The following NGEF variants were observed in gnomAD, a reference collection of about 807,000 sequenced individuals.
NGEF encodes ephexin-1.
Under a neutral mutation model 80.9 loss-of-function variants are expected in NGEF, and 31 were observed. The ratio of observed to expected loss-of-function variants is 0.38; its 90% CI spans 0.29 to 0.52. NGEF has a LOEUF of 0.52. Ranked by LOEUF, NGEF falls within the 20% of genes least tolerant of loss-of-function variation. The pLI is 0.84. For synonymous variants in NGEF, 371 were observed against 370.2 expected, an observed-to-expected ratio of 1.00 and a Z score of -0.03; for missense variants, 709 against 926.2, an observed-to-expected ratio of 0.77 and a Z score of 3.04.
At chr2:232,959,868 C>G (rs74269680) in intron 3 of NGEF, among the ~76,000 whole-genome samples, 1 of 151,994 alleles carries the variant, frequency 6.6e-6, no homozygotes, top group Non-Finnish European at 1.5e-5. Flanking sequence ...CGTGAGCCAC[C>G]GCCCTGGGTA....
At position 232,892,072 on chromosome 2, in the gene NGEF, G is replaced by A. The variant is rs574865623; in HGVS notation, c.1143-585C>T. Among the ~76,000 whole-genome samples the A allele has an allele frequency of 1.8e-4, 27 of 152,136 alleles. No homozygotes were observed. Among genetic ancestry groups the A allele is most frequent in the Admixed American group, 6.5e-4 (10 of 15,290 alleles). ...CACACGGCCTGGCGGGGGCCACAGC[G>A]GCAGGCTCTTGGGTGCTGTGAATGA... On this transcript the variant is annotated intron_variant, in intron 7 of 14. Transcript: ENST00000264051. This position sits in a 1 kb window ranked among gnomAD's most constrained non-coding sequence, Gnocchi z 4.0.
In NGEF at chr2:232,888,066, G is replaced by C; in HGVS notation, c.1314C>G (p.Cys438Trp). Residue 438 changes from cysteine to tryptophan, a missense_variant, in exon 9 of 15, where the codon TGC (cysteine) becomes TGG (tryptophan). This residue lies in a region of NGEF where 426 missense variants were observed against 622.9 expected (regional missense o/e 0.68). Coordinates refer to ENST00000264051, the MANE Select transcript of NGEF (RefSeq NM_019850.3). ...GCTCCTTGTGAGCATCCAAAGCAGT[G>C]CACTCCCGCTCAGACCTCTCTTCTA... is the stretch of plus-strand genomic sequence containing the variant. Reference protein sequence around the residue: ...KRVEERSERECTALDAHKELE... With the variant: ...KRVEERSEREWTALDAHKELE... 1 of 1,613,888 alleles carries C rather than the reference G, an allele frequency of 6.2e-7. No individual in the cohort carries two copies. The highest frequency in any genetic ancestry group is 1.3e-5 in the African/African-American group (1 of 75,014).
chr2:232,881,047 G>A lies in NGEF; in HGVS notation c.1942+99C>T, dbSNP rs115040896. On this transcript the variant is annotated intron_variant, in intron 14 of 14. Coordinates refer to ENST00000264051, the MANE Select transcript of NGEF (RefSeq NM_019850.3). ...GAGCAAGAGACATGGCAGGACACCAGCCTGTCAGACAGTGGTGGCATCTGC... is the reference window on the plus strand; with the variant it reads ...GAGCAAGAGACATGGCAGGACACCAACCTGTCAGACAGTGGTGGCATCTGC... The A allele has an allele frequency of 0.019, 17,165 of 907,912 alleles. 250 individuals are homozygous for A. Among genetic ancestry groups the A allele is most frequent in the South Asian group, 0.029 (2,069 of 70,160 alleles). The allele number at this position is 907,912 out of a possible 1,614,324, so 56.2% of individuals were successfully genotyped here.
chr2:232,943,571 C>G lies in NGEF; in HGVS notation c.384-16385G>C, dbSNP rs1390557074. Among the ~76,000 whole-genome samples, 3 of 150,408 alleles carry G rather than the reference C, an allele frequency of 2.0e-5. No homozygotes were observed. The East Asian group carries it at 5.9e-4, about 30-fold the overall frequency. Reference sequence around the variant, plus strand: ...AGTGCAGTGGCGCGATCTCGGCTCACTGCAAGCTCCGCCTCCCGGGTTCAC... The same window carrying G: ...AGTGCAGTGGCGCGATCTCGGCTCAGTGCAAGCTCCGCCTCCCGGGTTCAC... On this transcript the variant is annotated intron_variant, in intron 3 of 14. Coordinates refer to ENST00000264051, the MANE Select transcript of NGEF (RefSeq NM_019850.3).
intron 3 of NGEF, among the ~76,000 whole-genome samples, chr2:232,951,410 C>T (rs780116561): frequency 6.6e-6 from 1 of 152,296 alleles, no homozygotes; most frequent in Non-Finnish European, 1.5e-5. Context: ...GTCCAAGGCA[C>T]GACAACCTTC....
chr2:233,011,757 T>C (rs1320687103), intron 1 of NGEF, among the ~76,000 whole-genome samples: 3 of 151,814 alleles, frequency 2.0e-5, no homozygotes, highest in Admixed American at 1.3e-4. Flanking sequence ...CTTAAAGCAA[T>C]TCATCTTCCC....
intron 1 of NGEF, among the ~76,000 whole-genome samples, chr2:233,006,285 A>T (rs541288984): frequency 6.6e-6 from 1 of 152,338 alleles, no homozygotes; most frequent in South Asian, 2.1e-4. Flanking sequence ...AAATTGGAGC[A>T]TCAGGGTTTT....
chr2:232,968,105 T>TTTTTTTTTTTTTTTTTTTTTTTA (rs1694102814), intron 3 of NGEF, among the ~76,000 whole-genome samples: 1 of 151,072 alleles, frequency 6.6e-6, no homozygotes, highest in African/African-American at 2.5e-5. Flanking sequence ...TTTTTTTTTT[T>TTTTTTTTTTTTTTTTTTTTTTTA]GAGACAAAGT....
intron 5 of NGEF, among the ~76,000 whole-genome samples, chr2:232,917,440 AG>A (rs1692828264): frequency 6.6e-6 from 1 of 151,992 alleles, no homozygotes; most frequent in Non-Finnish European, 1.5e-5. Flanking sequence ...GAAAGTGCAT[AG>A]AGGAGTTACG....
intron 3 of NGEF, among the ~76,000 whole-genome samples, chr2:232,942,833 T>C (rs1244896369): frequency 2.0e-5 from 3 of 147,648 alleles, no homozygotes; most frequent in Admixed American, 2.0e-4. Context: ...AAATGATGAG[T>C]GTACCTTGAG....
At chr2:232,891,007 G>A (rs747770433) in intron 8 of NGEF, 1 of 486,084 alleles carries the variant, frequency 2.1e-6, no homozygotes, top group Non-Finnish European at 4.2e-6. Context: ...GCCCCCACCA[G>A]CTCCTCCCTG....
At chr2:232,939,647 A>G (rs1235569331) in intron 3 of NGEF, among the ~76,000 whole-genome samples, 1 of 152,168 alleles carries the variant, frequency 6.6e-6, no homozygotes, top group Non-Finnish European at 1.5e-5. Context: ...CAACTACCTC[A>G]CCCTTAACAT....
chr2:232,977,726 C>T (rs1282219301), intron 1 of NGEF, among the ~76,000 whole-genome samples: 1 of 152,144 alleles, frequency 6.6e-6, no homozygotes, highest in Non-Finnish European at 1.5e-5. Context: ...CCCAGCAAAC[C>T]CTGCTGGTGG....
intron 3 of NGEF, among the ~76,000 whole-genome samples, chr2:232,929,404 T>C (rs1693172908): frequency 6.6e-6 from 1 of 152,158 alleles, no homozygotes; most frequent in Admixed American, 6.5e-5. Context: ...GGAGCTCTCC[T>C]CCCCACGTGG....
At chr2:233,004,651 A>G (rs1480355350) in intron 1 of NGEF, among the ~76,000 whole-genome samples, 1 of 151,170 alleles carries the variant, frequency 6.6e-6, no homozygotes, top group Non-Finnish European at 1.5e-5. Context: ...TGCTCACAAC[A>G]CTCCTGAAGG....
chr2:232,980,061 G>C (rs574103968), intron 1 of NGEF, among the ~76,000 whole-genome samples: 1 of 152,256 alleles, frequency 6.6e-6, no homozygotes, highest in South Asian at 2.1e-4. Flanking sequence ...TTTGTTGGGG[G>C]GACCTGTGAT....
In NGEF at chr2:232,905,259, G is replaced by A. The variant is rs929703262; in HGVS notation, c.829-10343C>T. ...TGCGATTGCAGGCGCGCGCCGCCAC[G>A]CCTGACTGGTTTTCGTATTTTTTTG... On this transcript the variant is annotated intron_variant, in intron 5 of 14. Transcript: ENST00000264051. Among the ~76,000 whole-genome samples, 11 of 152,320 alleles carry A rather than the reference G, an allele frequency of 7.2e-5. 1 individual carries two copies. Among genetic ancestry groups the A allele is most frequent in the Middle Eastern group, 6.8e-3 (2 of 294 alleles).
At chr2:232,948,208 A>G (rs1373475465) in intron 3 of NGEF, among the ~76,000 whole-genome samples, 1 of 148,488 alleles carries the variant, frequency 6.7e-6, no homozygotes, top group Non-Finnish European at 1.5e-5. Context: ...TAGTTTTTTG[A>G]GACAGAGTCT....
chr2:233,003,970 G>A (rs1220947156), intron 1 of NGEF, among the ~76,000 whole-genome samples: 1 of 152,190 alleles, frequency 6.6e-6, no homozygotes, highest in African/African-American at 2.4e-5. Context: ...TTTAATGCAT[G>A]TTGGAGTTTT....
Sources: gnomAD v4.1 joint callset for allele counts (sites outside exome capture counted in the v4.1 genomes callset) on GRCh38, gnomAD v4.1.1 for gene constraint, gnomAD v4.1.1 regional missense constraint, Gnocchi (gnomAD v3.1) non-coding constraint, MANE v1.5 for transcripts, NCBI Gene and HGNC (gene_info 2026-07-23, HGNC 2026-07-21) for gene names.